Variants in PTPN6 observed in about 807,000 individuals in gnomAD.
PTPN6 encodes the protein protein tyrosine phosphatase non-receptor type 6.
PTPN6 carries 18 observed loss-of-function variants against 81.5 expected under a neutral mutation model. The observed-to-expected ratio is 0.22, with a 90% CI of 0.15 to 0.33. The LOEUF (loss-of-function observed/expected upper bound fraction) is 0.33, where lower values mean the gene tolerates loss of function less well. PTPN6 is among the 10% of genes least tolerant of loss of function. The pLI is 1.00. For synonymous variants in PTPN6, 301 were observed against 310.9 expected, an observed-to-expected ratio of 0.97 and a Z score of 0.33; for missense variants, 500 against 794.2, an observed-to-expected ratio of 0.63 and a Z score of 4.45.
chr12:6,946,768 G>C, upstream of PTPN6: 1 of 1,605,040 alleles, frequency 6.2e-7, no homozygotes, highest in Non-Finnish European at 8.5e-7. Context: ...CGGGGTCCCA[G>C]TCTCCTGTTA....
upstream of PTPN6, chr12:6,951,264 T>C: frequency 6.9e-7 from 1 of 1,442,490 alleles, no homozygotes; most frequent in Non-Finnish European, 9.1e-7. The surrounding 1 kb of genome is among the most constrained non-coding windows in gnomAD (Gnocchi z 7.2). Flanking sequence ...TTCTCTTCCC[T>C]TGCTGTGCTC....
rs1375226577 is a variant in PTPN6 at position 6,954,363 on chromosome 12, G to C, written c.327-442G>C. ...CATCCTTCACGGAGATTCATCCTTA[G>C]CTTCTCTCCTCCAAATATTTTGAAT... On this transcript the variant is annotated intron_variant, in intron 3 of 15. Transcript: ENST00000318974. The surrounding 1 kb of genome is among the most constrained non-coding windows in gnomAD (Gnocchi z 5.4). Among the ~76,000 whole-genome samples the C allele has an allele frequency of 1.3e-5, 2 of 152,194 alleles. No individual in the cohort carries two copies. Among genetic ancestry groups the C allele is most frequent in the African/African-American group, 4.8e-5 (2 of 41,442 alleles).
upstream of PTPN6, among the ~76,000 whole-genome samples, chr12:6,949,766 C>T (rs959344258): frequency 1.3e-5 from 2 of 151,612 alleles, no homozygotes; most frequent in African/African-American, 2.4e-5. Flanking sequence ...TTTGCGCTTC[C>T]AGACTGCCTA....
In PTPN6 at chr12:6,951,587, C is replaced by A; in HGVS notation, c.9-22C>A. 6.2e-7 allele frequency: 1 copy of A among 1,613,946 alleles called. No homozygotes were observed. Among genetic ancestry groups the A allele is most frequent in the Non-Finnish European group, 8.5e-7 (1 of 1,179,954 alleles). ...CTGGTGCCCACGGGACCCCTCCTCA[C>A]TGCCCTGCCTGGGCCGCCCAGGTGG... On this transcript the variant is annotated intron_variant, in intron 1 of 15. Coordinates refer to ENST00000318974, the MANE Select transcript of PTPN6 (RefSeq NM_002831.6). The surrounding 1 kb of genome is among the most constrained non-coding windows in gnomAD (Gnocchi z 7.2).
At chr12:6,953,829 G>T (rs1945970827) in intron 3 of PTPN6, among the ~76,000 whole-genome samples, 1 of 152,054 alleles carries the variant, frequency 6.6e-6, no homozygotes, top group African/African-American at 2.4e-5. Flanking sequence ...CTCTCGGCTG[G>T]AGTCACCTCC....
intron 11 of PTPN6, 112 bp downstream of exon 11, chr12:6,958,185 G>A (rs934440130): frequency 1.6e-5 from 23 of 1,417,742 alleles, no homozygotes; most frequent in Non-Finnish European, 1.8e-5. Context: ...AGTGCCCTCC[G>A]CTCACCCCCG....
In PTPN6 at chr12:6,956,059, T is replaced by C. The variant is rs1365847880; in HGVS notation, c.845-83T>C. On this transcript the variant is annotated intron_variant, in intron 7 of 15. Transcript: ENST00000318974. The surrounding 1 kb of genome is among the most constrained non-coding windows in gnomAD (Gnocchi z 4.1). The stretch of plus-strand genomic sequence containing the variant: ...CATGGCTTCTGAGACCAGAATGGCC[T>C]GTTAGCTCAGGAGGGTCTGACCCAG... 1 of 1,407,366 alleles carries C rather than the reference T, an allele frequency of 7.1e-7. No homozygotes were observed. Among genetic ancestry groups the C allele is most frequent in the Non-Finnish European group, 1.0e-6 (1 of 995,794 alleles). The allele number at this position is 1,407,366 out of a possible 1,614,324, so 87.2% of individuals were successfully genotyped here. A position where few individuals can be genotyped will look rare whatever the true frequency, so the allele number is the denominator to read the frequency against.
rs1284817661 is a variant in PTPN6, at chr12:6,959,434, C to T, written c.1362-493C>T. 1.7e-5 allele frequency: 4 copies of T among 230,830 alleles called. No individual in the cohort carries two copies. Among genetic ancestry groups the T allele is most frequent in the Non-Finnish European group, 2.7e-5 (3 of 112,988 alleles). 14.3% of individuals were successfully genotyped at this position (230,830 alleles called of 1,614,324 possible). A position where few individuals can be genotyped will look rare whatever the true frequency, so the allele number is the denominator to read the frequency against. On this transcript the variant is annotated intron_variant, in intron 11 of 15. Transcript: ENST00000318974. This position sits in a 1 kb window ranked among gnomAD's most constrained non-coding sequence, Gnocchi z 6.6. ...GAGAGAAACTTCCTACTGCACTGCTCCCCTGAGTCCCCTGACCCTGTGCCC... is the reference window on the plus strand; with the variant it reads ...GAGAGAAACTTCCTACTGCACTGCTTCCCTGAGTCCCCTGACCCTGTGCCC...
rs1228936113 is a variant in PTPN6, at chr12:6,954,211, C to G, written c.327-594C>G. 1.3e-5 allele frequency among the ~76,000 whole-genome samples: 2 copies of G among 152,218 alleles called. No homozygotes were observed. Among genetic ancestry groups the G allele is most frequent in the African/African-American group, 4.8e-5 (2 of 41,464 alleles). The stretch of plus-strand genomic sequence containing the variant: ...CCAGTGGGGTTGTCTTCCCCGCCTC[C>G]CTGGCGGAGCGCACCCCATCCGCCT... On this transcript the variant is annotated intron_variant, in intron 3 of 15. Transcript: ENST00000318974. The surrounding 1 kb of genome is among the most constrained non-coding windows in gnomAD (Gnocchi z 5.4).
In PTPN6 at chr12:6,959,501, G is replaced by T. The variant is rs1188391897; in HGVS notation, c.1362-426G>T. 3.3e-6 allele frequency: 1 copy of T among 306,638 alleles called. No individual in the cohort carries two copies. Among genetic ancestry groups the T allele is most frequent in the East Asian group, 8.6e-5 (1 of 11,638 alleles). 19.0% of individuals were successfully genotyped at this position (306,638 alleles called of 1,614,324 possible). ...CAGGGCTATCCTTTCCCTGACGTCA[G>T]GGTTTGAAGGAAAAGGGAAGTGAAG... On this transcript the variant is annotated intron_variant, in intron 11 of 15. Coordinates refer to ENST00000318974, the MANE Select transcript of PTPN6 (RefSeq NM_002831.6). The surrounding 1 kb of genome is among the most constrained non-coding windows in gnomAD (Gnocchi z 6.6).
rs782740626 is a variant in PTPN6, at chr12:6,953,752, T to C, written c.327-1053T>C. Among the ~76,000 whole-genome samples, 13 of 152,156 alleles carry C rather than the reference T, an allele frequency of 8.5e-5. 1 individual carries two copies. Among genetic ancestry groups the C allele is most frequent in the African/African-American group, 2.9e-4 (12 of 41,546 alleles). On this transcript the variant is annotated intron_variant, in intron 3 of 15. Transcript: ENST00000318974. ...GGGGCTCAGCCCCCTCCCCGCTACC[T>C]GGGGTCCTAGCCTGTCCCCAGGCGG...
Position 6,952,558 on chromosome 12 carries a change from G to A in PTPN6, c.326+381G>A. 2.8e-6 allele frequency: 1 copy of A among 352,152 alleles called. No individual in the cohort carries two copies. Among genetic ancestry groups the A allele is most frequent in the Non-Finnish European group, 5.5e-6 (1 of 182,150 alleles). The allele number at this position is 352,152 out of a possible 1,614,324, so 21.8% of individuals were successfully genotyped here. A position where few individuals can be genotyped will look rare whatever the true frequency, so the allele number is the denominator to read the frequency against. On this transcript the variant is annotated intron_variant, in intron 3 of 15. Transcript: ENST00000318974. This position sits in a 1 kb window ranked among gnomAD's most constrained non-coding sequence, Gnocchi z 8.1. ...GAATCGAGCCTGCCTTCCTCCGTCT[G>A]CCCCTCACCCCAGCACATGTTAGGA...
rs961767103 is a variant in PTPN6 at position 6,956,720 on chromosome 12, A to C, written c.1074+152A>C. The C allele has an allele frequency of 1.9e-6, 2 of 1,031,048 alleles. No individual in the cohort carries two copies. The highest frequency in any genetic ancestry group is 4.2e-5 in the Admixed American group (2 of 47,776). 63.9% of individuals were successfully genotyped at this position (1,031,048 alleles called of 1,614,324 possible). On this transcript the variant is annotated intron_variant, in intron 9 of 15. Transcript: ENST00000318974. This position sits in a 1 kb window ranked among gnomAD's most constrained non-coding sequence, Gnocchi z 4.1. ...GAGGGCTAGTGACAAAGTCTCGACT[A>C]CACAACGTGACCCCCAGATCCCTGC...
At chr12:6,951,125 T>G, upstream of PTPN6, 2 of 801,706 alleles carry the variant, frequency 2.5e-6, no homozygotes, top group Admixed American at 8.0e-5. The surrounding 1 kb of genome is among the most constrained non-coding windows in gnomAD (Gnocchi z 7.2). Flanking sequence ...GGGCCTGGAG[T>G]GTGCAAGGCA....
Position 6,960,954 on chromosome 12 carries a change from C to G in PTPN6, c.*25+9C>G. 6.4e-7 allele frequency: 1 copy of G among 1,554,540 alleles called. No homozygotes were observed. The highest frequency in any genetic ancestry group is 2.4e-5 in the East Asian group (1 of 41,218). ...GTCCTCAGGTGGCCATGGTACAGCT[C>G]TTCTGCCTGGGTGTCCTCCCTGCCC... is the stretch of plus-strand genomic sequence containing the variant. On this transcript the variant is annotated intron_variant, in intron 15 of 15. Transcript: ENST00000318974. This position sits in a 1 kb window ranked among gnomAD's most constrained non-coding sequence, Gnocchi z 6.1.
Position 6,959,609 on chromosome 12 carries a change from G to A in PTPN6, c.1362-318G>A, listed in dbSNP as rs1187893243. 2 of 536,392 alleles carry A rather than the reference G, an allele frequency of 3.7e-6. No homozygotes were observed. The highest frequency in any genetic ancestry group is 6.7e-6 in the Non-Finnish European group (2 of 296,508). 33.2% of individuals were successfully genotyped at this position (536,392 alleles called of 1,614,324 possible). A position where few individuals can be genotyped will look rare whatever the true frequency, so the allele number is the denominator to read the frequency against. On this transcript the variant is annotated intron_variant, in intron 11 of 15. Coordinates refer to ENST00000318974, the MANE Select transcript of PTPN6 (RefSeq NM_002831.6). This position sits in a 1 kb window ranked among gnomAD's most constrained non-coding sequence, Gnocchi z 6.6. ...CCTGGGAGCCGGCAGGACAGTGGTG[G>A]GATTTGGGGGTCCCAGGTCTTCCGG...
rs781965429 is a variant in PTPN6, at chr12:6,952,206, A to C, written c.326+29A>C. 6.2e-7 allele frequency: 1 copy of C among 1,611,812 alleles called. No homozygotes were observed. The highest frequency in any genetic ancestry group is 1.1e-5 in the South Asian group (1 of 90,984). On this transcript the variant is annotated intron_variant, in intron 3 of 15. Transcript: ENST00000318974. This position sits in a 1 kb window ranked among gnomAD's most constrained non-coding sequence, Gnocchi z 8.1. ...AGGGCTCCGCACCCCCGCCATTCCC[A>C]AGCAGGGATGAGCCGGCTCCCACCC...
In PTPN6 at chr12:6,951,486, C is replaced by A; in HGVS notation, c.-27C>A. On this transcript the variant is annotated 5_prime_UTR_variant, in exon 1 of 16. Coordinates refer to ENST00000318974, the MANE Select transcript of PTPN6 (RefSeq NM_002831.6). The surrounding 1 kb of genome is among the most constrained non-coding windows in gnomAD (Gnocchi z 7.2). ...TAGCTGCACCTCCTCATTCCCTGCG[C>A]CCCCTTCCTCTCCGGAAGCCCCCAG... 1 of 1,613,784 alleles carries A rather than the reference C, an allele frequency of 6.2e-7. No homozygotes were observed.
In PTPN6 at chr12:6,955,042, T is replaced by G. The variant is rs900713920; in HGVS notation, c.516+48T>G. The G allele has an allele frequency of 1.2e-6, 2 of 1,611,006 alleles. No homozygotes were observed. Among genetic ancestry groups the G allele is most frequent in the East Asian group, 4.5e-5 (2 of 44,866 alleles). Reference sequence around the variant, plus strand: ...GAGCCTCTGCTGAGGCTCCTGTCTGTGACCACAGTGTGGGTGGCAGGGAGG... The same window carrying G: ...GAGCCTCTGCTGAGGCTCCTGTCTGGGACCACAGTGTGGGTGGCAGGGAGG... On this transcript the variant is annotated intron_variant, in intron 4 of 15. Coordinates refer to ENST00000318974, the MANE Select transcript of PTPN6 (RefSeq NM_002831.6). This position sits in a 1 kb window ranked among gnomAD's most constrained non-coding sequence, Gnocchi z 7.2.
Sources: allele counts gnomAD v4.1 joint callset (sites outside exome capture counted in the v4.1 genomes callset), GRCh38; gene constraint gnomAD v4.1.1; non-coding constraint Gnocchi (gnomAD v3.1); transcripts MANE v1.5; gene names NCBI Gene and HGNC (gene_info 2026-07-23, HGNC 2026-07-21).